The following MADD variants were observed in gnomAD, a reference collection of about 807,000 sequenced individuals.
The protein encoded by MADD is MAP kinase-activating death domain protein.
In MADD, 109 loss-of-function variants were observed where a neutral mutation model predicts 176.7. The ratio of observed to expected loss-of-function variants is 0.62; its 90% CI spans 0.53 to 0.72. The LOEUF (loss-of-function observed/expected upper bound fraction) is 0.72. MADD is among the 30% of genes least tolerant of loss of function. The probability of loss-of-function intolerance (pLI) is 0.00; values close to 1 mark genes in which losing one functional copy is unlikely to be tolerated. For synonymous variants in MADD, 771 were observed against 771.3 expected (o/e 1.00, Z 0.01); for missense variants, 1,914 against 2,045.5 (o/e 0.94, Z 1.24).
chr11:47,275,498 C>G lies in MADD; in HGVS notation c.659+339C>G, dbSNP rs541023879. 6.6e-5 allele frequency among the ~76,000 whole-genome samples: 10 copies of G among 152,312 alleles called. No homozygotes were observed. The South Asian group carries it at 1.2e-3, about 19-fold the overall frequency. ...TAGAGACAAGGTTTCGCCATGTTGG[C>G]CAGGCTGGTCTCAAACTCCTCACCT... On this transcript the variant is annotated intron_variant, in intron 3 of 32. Transcript: ENST00000402192.
At chr11:47,296,480 A>G (rs1593281434) in intron 22 of MADD, among the ~76,000 whole-genome samples, 1 of 152,202 alleles carries the variant, frequency 6.6e-6, no homozygotes, top group Non-Finnish European at 1.5e-5. Flanking sequence ...ATTTTATTTT[A>G]GTATATTCCT....
chr11:47,327,147 A>T, intron 31 of MADD: 1 of 1,066,384 alleles, frequency 9.4e-7, no homozygotes, highest in South Asian at 3.4e-5. Context: ...CCCAAGCTCC[A>T]CTATGTCCAT....
exon 28 of MADD, chr11:47,323,742 C>G (rs1478190696): frequency 1.2e-6 from 2 of 1,614,066 alleles, no homozygotes; most frequent in African/African-American, 2.7e-5. Context: ...ACGAGAAGCT[C>G]ATCAACATGA....
At chr11:47,289,109 T>C (rs915984584) in intron 15 of MADD, 82 bp downstream of exon 16, 14 of 1,368,004 alleles carry the variant, frequency 1.0e-5, no homozygotes, top group Non-Finnish European at 1.4e-5. Context: ...ATCCTTCTCA[T>C]GGAGCAAGCA....
chr11:47,316,385 CTTTTTTTTTTTTT>C, intron 27 of MADD, among the ~76,000 whole-genome samples: 1 of 130,206 alleles, frequency 7.7e-6, no homozygotes, highest in South Asian at 2.4e-4. Context: ...TTTTCTTTTT[CTTTTTTTTTTTTT>C]TTTTTTTTGA....
chr11:47,273,031 T>C (rs970070703), intron 1 of MADD, among the ~76,000 whole-genome samples: 1 of 152,230 alleles, frequency 6.6e-6, no homozygotes, highest in African/African-American at 2.4e-5. Flanking sequence ...TAGCCAGCTG[T>C]TATTGTCTGA....
chr11:47,283,048 A>G, intron 10 of MADD, 79 bp downstream of exon 10: 1 of 1,352,562 alleles, frequency 7.4e-7, no homozygotes, highest in Non-Finnish European at 1.0e-6. Flanking sequence ...AGAGAAGGCA[A>G]AGTCTCATAG....
intron 27 of MADD, among the ~76,000 whole-genome samples, chr11:47,318,357 G>A (rs1237177583): frequency 1.3e-5 from 2 of 152,124 alleles, no homozygotes; most frequent in African/African-American, 4.8e-5. Context: ...AACGCAAGAA[G>A]GGCTTACCCT....
chr11:47,324,276 G>A (rs1335499997), exon 29 of MADD: 1 of 1,614,156 alleles, frequency 6.2e-7, no homozygotes, highest in Non-Finnish European at 8.5e-7. Flanking sequence ...GTCGGGAGCT[G>A]TACTACTGTG....
chr11:47,313,424 C>T (rs2091103620), intron 26 of MADD, among the ~76,000 whole-genome samples: 1 of 151,456 alleles, frequency 6.6e-6, no homozygotes, highest in Non-Finnish European at 1.5e-5. Context: ...AAGCAATTCT[C>T]CTGCCTCAGC....
intron 18 of MADD, 51 bp from the exon 20 acceptor site, chr11:47,290,559 C>G: frequency 6.4e-7 from 1 of 1,560,836 alleles, no homozygotes; most frequent in Non-Finnish European, 8.8e-7. Flanking sequence ...CATATCTGCG[C>G]CTTGATTCCT....
rs1271145677 is a variant in MADD, at chr11:47,324,257, T to A, written c.4363-8T>A. ...TCATGATGGGACCACTCTCCCCCTG[T>A]GCCACAGTGTCGGGAGCTGTACTAC... On this transcript the variant is annotated splice_polypyrimidine_tract_variant and splice_region_variant and intron_variant, in intron 28 of 32. Transcript: ENST00000402192. 3 of 1,613,878 alleles carry A rather than the reference T, an allele frequency of 1.9e-6. No individual in the cohort carries two copies. The highest frequency in any genetic ancestry group is 2.2e-5 in the South Asian group (2 of 91,066).
chr11:47,329,065 C>T (rs267602903), exon 33 of MADD: 1 of 1,614,112 alleles, frequency 6.2e-7, no homozygotes, highest in Non-Finnish European at 8.5e-7. Context: ...ATCTGCTACT[C>T]CGTATTATGT....
chr11:47,277,040 T>C (rs1169922983), intron 5 of MADD, among the ~76,000 whole-genome samples, 177 bp downstream of exon 5: 1 of 152,212 alleles, frequency 6.6e-6, no homozygotes, highest in Non-Finnish European at 1.5e-5. Context: ...ATTTTAGTTT[T>C]CATTTATCAC....
chr11:47,290,505 C>A, intron 18 of MADD, 105 bp from the exon 20 acceptor site: 3 of 1,314,020 alleles, frequency 2.3e-6, no homozygotes, highest in Non-Finnish European at 3.2e-6. Flanking sequence ...TTTCCTTGAA[C>A]TTCTTCCATT....
At chr11:47,328,912 C>T in intron 32 of MADD, 134 bp from the exon 37 acceptor site, 1 of 978,666 alleles carries the variant, frequency 1.0e-6, no homozygotes, top group Non-Finnish European at 1.6e-6. Context: ...GGGACAGCTT[C>T]CTTGCTTGGA....
At chr11:47,296,158 A>G in intron 22 of MADD, 103 bp downstream of exon 24, 1 of 1,316,260 alleles carries the variant, frequency 7.6e-7, no homozygotes, top group Middle Eastern at 2.0e-4. Flanking sequence ...GTAAAGGTTA[A>G]ATAAGGAAGA....
chr11:47,283,085 T>A (rs376871049), intron 10 of MADD, 116 bp downstream of exon 10: 199 of 828,068 alleles, frequency 2.4e-4, no homozygotes, highest in Middle Eastern at 1.2e-3. Context: ...TTTTTAATTT[T>A]ATTTTATTTT....
chr11:47,279,329 T>C (rs886764561), intron 7 of MADD, among the ~76,000 whole-genome samples: 3 of 152,064 alleles, frequency 2.0e-5, no homozygotes, highest in Admixed American at 2.0e-4. Flanking sequence ...CCCTTCACTC[T>C]CTGTTTCTTG....
Sources: gnomAD v4.1 joint callset for allele counts (sites outside exome capture counted in the v4.1 genomes callset) on GRCh38, gnomAD v4.1.1 for gene constraint, MANE v1.5 for transcripts, NCBI Gene and HGNC (gene_info 2026-07-23, HGNC 2026-07-21) for gene names.